CRPPA: variants seen among roughly 807,000 people sequenced by gnomAD.
CRPPA encodes the protein CDP-L-ribitol pyrophosphorylase A.
In CRPPA, 43 loss-of-function variants were observed where a neutral mutation model predicts 52.0. The observed-to-expected ratio is 0.83, with a 90% confidence interval of 0.65 to 1.07. CRPPA has a LOEUF of 1.07. Ranked by LOEUF, CRPPA falls within the 50% of genes least tolerant of loss-of-function variation. The pLI is 0.00. For missense variants in CRPPA, 629 were observed against 551.7 expected, an observed-to-expected ratio of 1.14 and a Z score of -1.40; for synonymous variants, 250 against 203.5, an observed-to-expected ratio of 1.23 and a Z score of -1.94.
At chr7:16,107,338 C>T (rs895875277) in intron 9 of CRPPA, among the ~76,000 whole-genome samples, 2 of 151,980 alleles carry the variant, frequency 1.3e-5, no homozygotes, top group African/African-American at 4.8e-5. Flanking sequence ...CTATCAAAAT[C>T]AAAAAATAAA....
intron 3 of CRPPA, among the ~76,000 whole-genome samples, chr7:16,350,961 G>A (rs987160168): frequency 1.3e-5 from 2 of 152,042 alleles, no homozygotes; most frequent in Admixed American, 1.3e-4. Context: ...ACTATTTTCA[G>A]AAAACAGACA....
intron 9 of CRPPA, among the ~76,000 whole-genome samples, chr7:16,170,607 C>T (rs1781160277): frequency 6.6e-6 from 1 of 152,240 alleles, no homozygotes; most frequent in Non-Finnish European, 1.5e-5. Context: ...AAGTGGGTTG[C>T]CATTGCTGGC....
chr7:16,216,755 C>T (rs966842121), intron 8 of CRPPA, among the ~76,000 whole-genome samples: 37 of 152,200 alleles, frequency 2.4e-4, no homozygotes, highest in African/African-American at 8.4e-4. Context: ...CGGCGCACCA[C>T]GAGATTATAT....
In CRPPA at chr7:16,308,637, AAACAACAAC is replaced by A; in HGVS notation, c.685-19_685-11del. 7.1e-7 allele frequency: 1 copy of A among 1,406,350 alleles called. No homozygotes were observed. Among genetic ancestry groups the A allele is most frequent in the Non-Finnish European group, 1.0e-6 (1 of 998,216 alleles). 87.1% of individuals were successfully genotyped at this position (1,406,350 alleles called of 1,614,324 possible). ...AGTCATAGTCACTACACTGGTGTGG[AAACAACAAC>A]AACAACAATTAAGCTAAAATGCGAT... On this transcript the variant is annotated splice_polypyrimidine_tract_variant and intron_variant, in intron 3 of 9. Transcript: ENST00000407010.
At chr7:16,226,000 A>C (rs532229012) in intron 8 of CRPPA, among the ~76,000 whole-genome samples, 5 of 152,152 alleles carry the variant, frequency 3.3e-5, no homozygotes, top group Admixed American at 2.0e-4. Context: ...AGATGCCTGT[A>C]AGGCAGGTAT....
At chr7:16,253,577 T>G (rs1417237864) in intron 8 of CRPPA, among the ~76,000 whole-genome samples, 1 of 152,210 alleles carries the variant, frequency 6.6e-6, no homozygotes, top group Non-Finnish European at 1.5e-5. Flanking sequence ...AGGATGTATA[T>G]TCTGTTGATT....
chr7:16,259,715 T>C (rs1463255566), intron 6 of CRPPA, among the ~76,000 whole-genome samples: 2 of 152,024 alleles, frequency 1.3e-5, no homozygotes, highest in East Asian at 3.9e-4. Flanking sequence ...GGATCTGTGA[T>C]ATCTTTGCTA....
chr7:16,389,754 A>G (rs2128314568), intron 2 of CRPPA, among the ~76,000 whole-genome samples: 1 of 151,476 alleles, frequency 6.6e-6, no homozygotes, highest in East Asian at 2.0e-4. Flanking sequence ...CCTAGCTAGG[A>G]TAATTAGGCA....
At chr7:16,360,487 G>C (rs949529438) in intron 3 of CRPPA, among the ~76,000 whole-genome samples, 1 of 152,050 alleles carries the variant, frequency 6.6e-6, no homozygotes, top group Non-Finnish European at 1.5e-5. Context: ...CACACTAATC[G>C]AAACAGTGTA....
intron 8 of CRPPA, among the ~76,000 whole-genome samples, chr7:16,227,865 CAT>C (rs1276284960): frequency 6.6e-6 from 1 of 151,830 alleles, no homozygotes; most frequent in African/African-American, 2.4e-5. Flanking sequence ...CTAGTAGTTT[CAT>C]AGATTCTAAT....
rs1295902892 is a variant in CRPPA at position 16,306,509 on chromosome 7, T to A, written c.789+2014A>T. On this transcript the variant is annotated intron_variant, in intron 4 of 9. Transcript: ENST00000407010. ...ATTCAGAGAGTAATGTGCTGCTTCC[T>A]TTTCATCCACAGATCTCAAGAGTGC... Among the ~76,000 whole-genome samples the A allele has an allele frequency of 5.9e-5, 9 of 152,322 alleles. No homozygotes were observed. The East Asian group carries it at 1.3e-3, about 23-fold the overall frequency.
At chr7:16,377,195 G>C (rs1170380725) in intron 2 of CRPPA, among the ~76,000 whole-genome samples, 1 of 152,160 alleles carries the variant, frequency 6.6e-6, no homozygotes, top group Non-Finnish European at 1.5e-5. Flanking sequence ...GAGCCAAAGA[G>C]ACGGTTTATA....
chr7:16,211,663 A>G (rs773038480), intron 9 of CRPPA, among the ~76,000 whole-genome samples: 2 of 152,234 alleles, frequency 1.3e-5, no homozygotes, highest in Non-Finnish European at 2.9e-5. Context: ...TGATTCCTCT[A>G]TCTAGTGGAC....
At chr7:16,227,873 C>G (rs1322050527) in intron 8 of CRPPA, among the ~76,000 whole-genome samples, 1 of 151,812 alleles carries the variant, frequency 6.6e-6, no homozygotes, top group African/African-American at 2.4e-5. Flanking sequence ...TTCATAGATT[C>G]TAATCTTACA....
intron 6 of CRPPA, among the ~76,000 whole-genome samples, chr7:16,260,746 A>G (rs1249642058): frequency 6.6e-6 from 1 of 152,050 alleles, no homozygotes; most frequent in Non-Finnish European, 1.5e-5. Flanking sequence ...TCTTACTTTA[A>G]AATTTCCTTC....
At chr7:16,093,394 T>C (rs974703452) in intron 9 of CRPPA, among the ~76,000 whole-genome samples, 4 of 152,144 alleles carry the variant, frequency 2.6e-5, no homozygotes, top group African/African-American at 7.2e-5. Flanking sequence ...AAATATATTA[T>C]TGAAGCCTCA....
intron 6 of CRPPA, among the ~76,000 whole-genome samples, chr7:16,261,111 T>A (rs955277571): frequency 1.4e-4 from 22 of 151,970 alleles, no homozygotes; most frequent in Admixed American, 1.4e-3. Flanking sequence ...GAAAGACAAA[T>A]GAAGTATTAA....
chr7:16,112,759 G>A (rs959707143), intron 9 of CRPPA, among the ~76,000 whole-genome samples: 4 of 152,116 alleles, frequency 2.6e-5, no homozygotes, highest in Non-Finnish European at 4.4e-5. Context: ...GATGAAATAA[G>A]TAAGGTTGTA....
intron 2 of CRPPA, among the ~76,000 whole-genome samples, chr7:16,380,180 T>C (rs1297293175): frequency 6.6e-6 from 1 of 151,500 alleles, no homozygotes; most frequent in South Asian, 2.1e-4. Context: ...ACCTAATTTA[T>C]TGAGAGTTTT....
Sources: allele counts gnomAD v4.1 joint callset (sites outside exome capture counted in the v4.1 genomes callset), GRCh38; gene constraint gnomAD v4.1.1; transcripts MANE v1.5; gene names NCBI Gene and HGNC (gene_info 2026-07-23, HGNC 2026-07-21).